AAK1: variants seen among roughly 807,000 people sequenced by gnomAD.
The protein encoded by AAK1 is AP2 associated kinase 1, also known as AP2-associated protein kinase 1.
In AAK1, 37 loss-of-function variants were observed where a neutral mutation model predicts 116.0. That is an observed-to-expected ratio of 0.32 (90% CI 0.25 to 0.42). AAK1 has a LOEUF of 0.42. Ranked by LOEUF, AAK1 falls within the 10% of genes least tolerant of loss-of-function variation. AAK1 has a pLI of 1.00. For missense variants in AAK1, 919 were observed against 1,170.6 expected (o/e 0.79, Z 3.14); for synonymous variants, 458 against 439.9 (o/e 1.04, Z -0.51).
intron 2 of AAK1, among the ~76,000 whole-genome samples, chr2:69,641,544 T>C (rs1031420162): frequency 2.6e-5 from 4 of 152,176 alleles, no homozygotes; most frequent in Non-Finnish European, 5.9e-5. Context: ...ACATTAACTG[T>C]CAGAGATCTT....
chr2:69,479,486 A>T (rs767823453), intron 19 of AAK1, among the ~76,000 whole-genome samples: 50 of 152,300 alleles, frequency 3.3e-4, no homozygotes, highest in South Asian at 2.7e-3. Flanking sequence ...TTCTTAGTGA[A>T]TGCCATTTGG....
chr2:69,507,537 T>C lies in AAK1; in HGVS notation c.2048A>G (p.Gln683Arg), dbSNP rs1676231821. The C allele has an allele frequency of 6.2e-7, 1 of 1,612,284 alleles. No individual in the cohort carries two copies. Among genetic ancestry groups the C allele is most frequent in the South Asian group, 1.1e-5 (1 of 90,584 alleles). The change falls in exon 15 of 22, where the codon CAA (glutamine) becomes CGA (arginine). Residue 683 changes from glutamine to arginine, a missense_variant. By Grantham distance (43) the Gln-to-Arg change is conservative. This residue lies in a region of AAK1 where 125 missense variants were observed against 184.1 expected (regional missense o/e 0.68). Coordinates refer to ENST00000409085, the MANE Select transcript of AAK1 (RefSeq NM_014911.5). ...TTCTGAAGGATTATAAACGTTTTGT[T>C]GAGAGGTCCGAGGAGAGCCTGATGG... ...TTPSGSPRTSQQNVYNPSEGS... is the reference protein window; with the variant it reads ...TTPSGSPRTSRQNVYNPSEGS...
At position 69,519,075 on chromosome 2, in the gene AAK1, GCCTGGGCCTGAGCGGGCAGAC is replaced by G; in HGVS notation, c.1355_1375del (p.Gly452_Gln458del). On this transcript the variant is annotated inframe_deletion, in exon 12 of 22. Coordinates refer to ENST00000409085, the MANE Select transcript of AAK1 (RefSeq NM_014911.5). ...GAGTTGCTGCTGGTGCTGGGGTGTG[GCCTGGGCCTGAGCGGGCAGAC>G]CCTGGGCCTGAGTAGAAGGCGTCTG... 1.9e-6 allele frequency: 3 copies of G among 1,551,540 alleles called. No individual in the cohort carries two copies. The highest frequency in any genetic ancestry group is 1.2e-5 in the South Asian group (1 of 84,058).
intron 2 of AAK1, among the ~76,000 whole-genome samples, chr2:69,623,307 G>A (rs1559012037): frequency 6.6e-6 from 1 of 152,296 alleles, no homozygotes; most frequent in East Asian, 1.9e-4. Context: ...GTAAGACCAA[G>A]AACCCACCAA....
In AAK1 at chr2:69,473,571, A is replaced by G. The variant is rs920970739; in HGVS notation, c.*2298T>C. On this transcript the variant is annotated 3_prime_UTR_variant, in exon 22 of 22. Transcript: ENST00000409085. ...CTGCTCATTTTCATTAACTGCCTCC[A>G]TTAAGCTTTACTGAGCCAAATGACT... 1.4e-5 allele frequency: 14 copies of G among 985,348 alleles called. No homozygotes were observed. The African/African-American group carries it at 2.4e-4, about 17-fold the overall frequency. The allele number at this position is 985,348 out of a possible 1,614,324, so 61.0% of individuals were successfully genotyped here.
intron 3 of AAK1, 46 bp from the exon 4 acceptor site, chr2:69,544,590 T>C (rs888608426): frequency 2.9e-6 from 4 of 1,382,058 alleles, no homozygotes; most frequent in African/African-American, 1.4e-5. Flanking sequence ...CAGATGCCAA[T>C]AGGACAGAAT....
At chr2:69,539,281 T>C (rs1670603250) in intron 5 of AAK1, among the ~76,000 whole-genome samples, 1 of 152,150 alleles carries the variant, frequency 6.6e-6, no homozygotes, top group African/African-American at 2.4e-5. Flanking sequence ...TCTCTGCATT[T>C]GGCAATACGG....
chr2:69,507,395 C>T, intron 15 of AAK1, 26 bp downstream of exon 15: 1 of 1,605,310 alleles, frequency 6.2e-7, no homozygotes, highest in Non-Finnish European at 8.5e-7. Flanking sequence ...AATCAAGAAG[C>T]ACAAAAAAAG....
At chr2:69,581,928 G>C (rs774272762) in intron 2 of AAK1, among the ~76,000 whole-genome samples, 1 of 152,034 alleles carries the variant, frequency 6.6e-6, no homozygotes, top group Non-Finnish European at 1.5e-5. Flanking sequence ...GCTGCAGTGA[G>C]CCATGATTGC....
intron 20 of AAK1, among the ~76,000 whole-genome samples, chr2:69,478,065 T>C (rs964373203): frequency 6.6e-6 from 1 of 152,102 alleles, no homozygotes; most frequent in African/African-American, 2.4e-5. Context: ...AAAATGAAAA[T>C]AGTAGATTAG....
intron 13 of AAK1, among the ~76,000 whole-genome samples, chr2:69,512,199 C>T (rs533597142): frequency 9.9e-5 from 15 of 152,116 alleles, no homozygotes; most frequent in South Asian, 2.1e-4. Flanking sequence ...ATTTTGCTGA[C>T]GATTTTTTAA....
chr2:69,516,335 A>G (rs542905333), intron 12 of AAK1, among the ~76,000 whole-genome samples: 51 of 152,132 alleles, frequency 3.4e-4, no homozygotes, highest in African/African-American at 1.2e-3. Context: ...AAACAACAAA[A>G]TCCAAGAAGT....
At chr2:69,609,778 G>A (rs779962925) in intron 2 of AAK1, among the ~76,000 whole-genome samples, 5 of 151,988 alleles carry the variant, frequency 3.3e-5, no homozygotes, top group African/African-American at 4.8e-5. Context: ...GGCCAGGTGC[G>A]GTGGCTCACG....
intron 2 of AAK1, among the ~76,000 whole-genome samples, chr2:69,615,710 T>C (rs1412556571): frequency 6.6e-6 from 1 of 152,234 alleles, no homozygotes; most frequent in Admixed American, 6.5e-5. Flanking sequence ...ACTCCTATAC[T>C]TTTACAGCTA....
At chr2:69,579,786 T>C (rs904337698) in intron 2 of AAK1, among the ~76,000 whole-genome samples, 1 of 152,172 alleles carries the variant, frequency 6.6e-6, no homozygotes, top group Non-Finnish European at 1.5e-5. Context: ...TGCGCCCTGG[T>C]TGATTTCACC....
chr2:69,560,316 G>A (rs965964257), intron 2 of AAK1, among the ~76,000 whole-genome samples: 1 of 152,254 alleles, frequency 6.6e-6, no homozygotes, highest in South Asian at 2.1e-4. Flanking sequence ...TTCTCAGCCA[G>A]AGCTTAAGAG....
At position 69,465,679 on chromosome 2, in the gene AAK1, C is replaced by A; in HGVS notation, c.*10190G>T. ...GGTTTGCCAGCCATGGGGCCTGAGA[C>A]AGCTTCTTTCTGGAGCTGAGGTCCT... On this transcript the variant is annotated 3_prime_UTR_variant, in exon 22 of 22. Transcript: ENST00000409085. 1 of 1,290,950 alleles carries A rather than the reference C, an allele frequency of 7.7e-7. No individual in the cohort carries two copies. Among genetic ancestry groups the A allele is most frequent in the Non-Finnish European group, 1.0e-6 (1 of 988,880 alleles). 80.0% of individuals were successfully genotyped at this position (1,290,950 alleles called of 1,614,324 possible). A position where few individuals can be genotyped will look rare whatever the true frequency, so the allele number is the denominator to read the frequency against.
chr2:69,618,344 C>T (rs1674433558), intron 2 of AAK1, among the ~76,000 whole-genome samples: 2 of 152,022 alleles, frequency 1.3e-5, no homozygotes, highest in African/African-American at 4.8e-5. Context: ...CAAATAAATG[C>T]CATAAATTAT....
At chr2:69,555,297 C>T (rs897939723) in intron 3 of AAK1, among the ~76,000 whole-genome samples, 4 of 152,184 alleles carry the variant, frequency 2.6e-5, no homozygotes, top group African/African-American at 9.7e-5. Flanking sequence ...ATGTATATGG[C>T]CCTTGGGAGT....
Sources: gnomAD v4.1 joint callset for allele counts (sites outside exome capture counted in the v4.1 genomes callset) on GRCh38, gnomAD v4.1.1 for gene constraint, gnomAD v4.1.1 regional missense constraint, MANE v1.5 for transcripts, NCBI Gene and HGNC (gene_info 2026-07-23, HGNC 2026-07-21) for gene names.